RGS10: variants seen among roughly 807,000 people sequenced by gnomAD.
The protein encoded by RGS10 is regulator of G protein signaling 10.
Under a neutral mutation model 23.5 loss-of-function variants are expected in RGS10, and 11 were observed. The observed-to-expected ratio is 0.47, with a 90% CI of 0.29 to 0.77. The LOEUF (loss-of-function observed/expected upper bound fraction) is 0.77, where lower values mean the gene tolerates loss of function less well. Among genes scored for constraint, RGS10 ranks in the 30% least tolerant of loss-of-function variants. The pLI is 0.08. For missense variants in RGS10, 180 were observed against 226.3 expected (o/e 0.80, Z 1.31); for synonymous variants, 77 against 83.2 (o/e 0.92, Z 0.41).
intron 4 of RGS10, among the ~76,000 whole-genome samples, chr10:119,512,315 A>C (rs1844087788): frequency 6.6e-6 from 1 of 152,154 alleles, no homozygotes; most frequent in Admixed American, 6.5e-5. Context: ...TTCACTTAGG[A>C]AAACAGAGCT....
At chr10:119,507,091 G>A (rs925166867) in intron 4 of RGS10, among the ~76,000 whole-genome samples, 4 of 152,162 alleles carry the variant, frequency 2.6e-5, no homozygotes, top group African/African-American at 9.7e-5. Context: ...TGGCTACGGT[G>A]TACACAGACA....
intron 1 of RGS10, among the ~76,000 whole-genome samples, chr10:119,531,994 T>C (rs936758023): frequency 6.6e-6 from 1 of 152,208 alleles, no homozygotes; most frequent in African/African-American, 2.4e-5. Context: ...GTTTTCTGGC[T>C]ATGGTGCTCT....
intron 3 of RGS10, among the ~76,000 whole-genome samples, chr10:119,520,665 A>G (rs1844201982): frequency 6.6e-6 from 1 of 152,166 alleles, no homozygotes. Flanking sequence ...CTCCTGACAC[A>G]GTTAATTAGA....
chr10:119,508,189 G>A (rs1485149762), intron 4 of RGS10, among the ~76,000 whole-genome samples: 3 of 152,008 alleles, frequency 2.0e-5, no homozygotes, highest in Non-Finnish European at 4.4e-5. Flanking sequence ...TCGTAGAGAC[G>A]AAGTTTCACC....
Position 119,527,373 on chromosome 10 carries a change from C to T in RGS10, c.101G>A (p.Ser34Asn). ...SSSSSHQSLK[S>N]TAKWAASLEN... ...CAGGGATGCCGCCCATTTGGCTGTG[C>T]TCTTGAGGCTCTGGTGGCTGCTGCT... The change falls in exon 2 of 5, where the codon AGC becomes AAC. Residue 34 changes from serine (S) to asparagine (N), a missense_variant. Transcript: ENST00000369103. This position sits in a 1 kb window ranked among gnomAD's most constrained non-coding sequence, Gnocchi z 4.2. 2 of 1,614,218 alleles carry T rather than the reference C, an allele frequency of 1.2e-6. No homozygotes were observed. The highest frequency in any genetic ancestry group is 1.7e-6 in the Non-Finnish European group (2 of 1,180,040).
At chr10:119,521,951 T>A (rs1445918149) in intron 3 of RGS10, among the ~76,000 whole-genome samples, 1 of 152,174 alleles carries the variant, frequency 6.6e-6, no homozygotes, top group African/African-American at 2.4e-5. Context: ...TATTGCCAGC[T>A]GTGTTTTGGG....
In RGS10 at chr10:119,527,424, T is replaced by A; in HGVS notation, c.50A>T (p.Asp17Val). The change falls in exon 2 of 5, where the codon GAC becomes GTC. Residue 17 changes from aspartate to valine, a missense_variant and splice_region_variant. Transcript: ENST00000369103. This position sits in a 1 kb window ranked among gnomAD's most constrained non-coding sequence, Gnocchi z 4.2. ...GGAACTGCCATCGCTGTCGTGGATG[T>A]CTGCAAAGCAAAGTTCAGACTGCAT... is the stretch of plus-strand genomic sequence containing the variant. ...SRLSRKRPPS[D>V]IHDSDGSSSS... 6.2e-7 allele frequency: 1 copy of A among 1,613,240 alleles called. No homozygotes were observed. The highest frequency in any genetic ancestry group is 8.5e-7 in the Non-Finnish European group (1 of 1,179,182).
chr10:119,536,776 C>T (rs1399490059), intron 1 of RGS10, among the ~76,000 whole-genome samples: 1 of 152,112 alleles, frequency 6.6e-6, no homozygotes, highest in Non-Finnish European at 1.5e-5. Flanking sequence ...AAACAAAGAC[C>T]CTGTCATCGA....
At chr10:119,509,310 CG>C (rs1844051177) in intron 4 of RGS10, among the ~76,000 whole-genome samples, 1 of 151,854 alleles carries the variant, frequency 6.6e-6, no homozygotes. Context: ...GAAAGAAGGC[CG>C]GGCACAGTGG....
At chr10:119,540,764 C>T (rs982724747) in intron 1 of RGS10, among the ~76,000 whole-genome samples, 8 of 152,156 alleles carry the variant, frequency 5.3e-5, no homozygotes, top group African/African-American at 1.9e-4. Flanking sequence ...ATAAGTAACG[C>T]GTACAGGGCT....
rs536149567 is a variant in RGS10 at position 119,538,524 on chromosome 10, T to C, written c.49+4066A>G. 2.6e-5 allele frequency among the ~76,000 whole-genome samples: 4 copies of C among 151,880 alleles called. No individual in the cohort carries two copies. Among genetic ancestry groups the C allele is most frequent in the African/African-American group, 9.7e-5 (4 of 41,388 alleles). On this transcript the variant is annotated intron_variant, in intron 1 of 4. Coordinates refer to ENST00000369103, the MANE Select transcript of RGS10 (RefSeq NM_001005339.2). The surrounding 1 kb of genome is among the most constrained non-coding windows in gnomAD (Gnocchi z 4.5). ...TGGGGGAGCAAAGGCACAGAGGGAGTATTGTCCAGTCCCTCCAGGGGTAGA... is the reference window on the plus strand; with the variant it reads ...TGGGGGAGCAAAGGCACAGAGGGAGCATTGTCCAGTCCCTCCAGGGGTAGA...
At chr10:119,541,027 A>G (rs1844430585) in intron 1 of RGS10, among the ~76,000 whole-genome samples, 1 of 152,216 alleles carries the variant, frequency 6.6e-6, no homozygotes, top group African/African-American at 2.4e-5. Flanking sequence ...CTTTCAAGCT[A>G]CCTATGGTTT....
At chr10:119,536,369 G>T in intron 1 of RGS10, 2 of 1,152,196 alleles carry the variant, frequency 1.7e-6, no homozygotes, top group Non-Finnish European at 1.3e-6. Flanking sequence ...GCACCTCTGT[G>T]TCCTCACAGC....
intron 4 of RGS10, among the ~76,000 whole-genome samples, chr10:119,507,321 G>A (rs1221001574): frequency 6.6e-6 from 1 of 152,136 alleles, no homozygotes; most frequent in Non-Finnish European, 1.5e-5. Context: ...CTCAGGCCAA[G>A]GTCCTGTTTG....
At chr10:119,510,201 A>G (rs1368026672) in intron 4 of RGS10, among the ~76,000 whole-genome samples, 1 of 152,120 alleles carries the variant, frequency 6.6e-6, no homozygotes, top group Non-Finnish European at 1.5e-5. Flanking sequence ...CACATTCTAT[A>G]AACAGCCACT....
At chr10:119,505,944 C>T (rs765261639) in intron 4 of RGS10, among the ~76,000 whole-genome samples, 4 of 152,154 alleles carry the variant, frequency 2.6e-5, no homozygotes, top group South Asian at 2.1e-4. Flanking sequence ...GTTTAATTAG[C>T]GGGATATCAT....
chr10:119,521,585 A>G (rs7075140), intron 3 of RGS10, among the ~76,000 whole-genome samples: 36 of 145,550 alleles, frequency 2.5e-4, no homozygotes, highest in East Asian at 1.0e-3. Flanking sequence ...AAAAAGAAAG[A>G]AAGGAAGGAA....
chr10:119,503,626 C>A (rs1253857319), intron 4 of RGS10, among the ~76,000 whole-genome samples: 6 of 152,174 alleles, frequency 3.9e-5, no homozygotes, highest in African/African-American at 1.4e-4. Context: ...GCTCTGAAGA[C>A]CCCCATTTGA....
chr10:119,513,904 A>G (rs541828048), intron 4 of RGS10, among the ~76,000 whole-genome samples: 2 of 152,380 alleles, frequency 1.3e-5, no homozygotes, highest in South Asian at 2.1e-4. Flanking sequence ...TCTGGCTTCC[A>G]GCACTTTTGC....
Sources: gnomAD v4.1 joint callset for allele counts (sites outside exome capture counted in the v4.1 genomes callset) on GRCh38, gnomAD v4.1.1 for gene constraint, Gnocchi (gnomAD v3.1) non-coding constraint, MANE v1.5 for transcripts, NCBI Gene and HGNC (gene_info 2026-07-23, HGNC 2026-07-21) for gene names.